Variants in CAMK1D observed in about 807,000 individuals in gnomAD.
CAMK1D encodes the protein calcium/calmodulin dependent protein kinase ID.
In CAMK1D, 9 loss-of-function variants were observed where a neutral mutation model predicts 47.7. The ratio of observed to expected loss-of-function variants is 0.19; its 90% CI spans 0.11 to 0.33. The LOEUF (loss-of-function observed/expected upper bound fraction) is 0.33, where lower values mean the gene tolerates loss of function less well. Among genes scored for constraint, CAMK1D ranks in the 10% least tolerant of loss-of-function variants. The pLI is 1.00. For missense variants in CAMK1D, 291 were observed against 488.7 expected, an observed-to-expected ratio of 0.60 and a Z score of 3.81; for synonymous variants, 184 against 184.9, an observed-to-expected ratio of 0.99 and a Z score of 0.04.
At chr10:12,804,771 CAAA>C (rs569089576) in intron 6 of CAMK1D, among the ~76,000 whole-genome samples, 4 of 126,262 alleles carry the variant, frequency 3.2e-5, no homozygotes, top group African/African-American at 3.0e-5. Context: ...CTGTCTGTAC[CAAA>C]AAAAAAAAAA....
chr10:12,739,317 A>G (rs1835322003), intron 3 of CAMK1D, among the ~76,000 whole-genome samples: 1 of 151,012 alleles, frequency 6.6e-6, no homozygotes. Context: ...TCTGTTGCTC[A>G]GGCTGTGGAG....
intron 1 of CAMK1D, among the ~76,000 whole-genome samples, chr10:12,411,413 C>T (rs1442962924): frequency 1.3e-5 from 2 of 152,078 alleles, no homozygotes; most frequent in Admixed American, 1.3e-4. Flanking sequence ...CCGAGATGGT[C>T]GGCGTTTGGG....
intron 5 of CAMK1D, among the ~76,000 whole-genome samples, chr10:12,780,058 A>G (rs6602617): frequency 0.94 from 143,778 of 152,188 alleles, 68,472 homozygotes; most frequent in East Asian, 1. Context: ...AACGTGTTTC[A>G]TCTTGTTCTT....
chr10:12,766,505 C>A lies in CAMK1D; in HGVS notation c.439-3168C>A, dbSNP rs942061958. Among the ~76,000 whole-genome samples the A allele has an allele frequency of 4.6e-5, 7 of 151,812 alleles. No individual in the cohort carries two copies. The South Asian group carries it at 6.2e-4, about 14-fold the overall frequency. On this transcript the variant is annotated intron_variant, in intron 4 of 10. Transcript: ENST00000619168. ...CCCCCAGGTGGCCCTTTTCTGTTGG[C>A]ACAGCTGCTGGCATTCACCAGTGAA...
intron 1 of CAMK1D, among the ~76,000 whole-genome samples, chr10:12,529,217 G>T (rs189682240): frequency 6.6e-6 from 1 of 152,310 alleles, no homozygotes; most frequent in African/African-American, 2.4e-5. Flanking sequence ...CATCCGTGAT[G>T]TTAAAATCAC....
At chr10:12,771,520 A>G (rs1457650322) in intron 5 of CAMK1D, among the ~76,000 whole-genome samples, 1 of 152,238 alleles carries the variant, frequency 6.6e-6, no homozygotes. Flanking sequence ...GTTCATTTTC[A>G]GAGTAACTCA....
At chr10:12,816,094 G>A (rs1406077657) in intron 7 of CAMK1D, among the ~76,000 whole-genome samples, 156 bp from the exon 8 acceptor site, 2 of 152,098 alleles carry the variant, frequency 1.3e-5, no homozygotes, top group African/African-American at 4.8e-5. Context: ...TTCCCCACAC[G>A]CTGGTGCCTT....
intron 1 of CAMK1D, among the ~76,000 whole-genome samples, chr10:12,372,548 A>G (rs77704056): frequency 0.017 from 2,546 of 152,348 alleles, 63 homozygotes; most frequent in African/African-American, 0.051. Context: ...CACCATGTAG[A>G]GCAGCAGGTG....
At chr10:12,595,425 T>A (rs1439422702) in intron 2 of CAMK1D, among the ~76,000 whole-genome samples, 2 of 148,624 alleles carry the variant, frequency 1.3e-5, no homozygotes, top group African/African-American at 5.0e-5. Context: ...ATTATCAGAA[T>A]GTGGGCAGTC....
chr10:12,565,127 T>A (rs940431019), intron 2 of CAMK1D, among the ~76,000 whole-genome samples: 5 of 152,126 alleles, frequency 3.3e-5, no homozygotes, highest in Admixed American at 2.0e-4. Flanking sequence ...AGGAGGATCC[T>A]TTGGGTCCAG....
At chr10:12,605,369 T>G (rs1025648794) in intron 2 of CAMK1D, among the ~76,000 whole-genome samples, 7 of 150,266 alleles carry the variant, frequency 4.7e-5, no homozygotes, top group Admixed American at 2.0e-4. Flanking sequence ...TGTGTGTGTA[T>G]GTGTGTCAAA....
chr10:12,470,945 G>A (rs1231626646), intron 1 of CAMK1D, among the ~76,000 whole-genome samples: 5 of 152,212 alleles, frequency 3.3e-5, no homozygotes, highest in Admixed American at 3.3e-4. Context: ...TGTGTGCGTG[G>A]TGGGGCTGTG....
intron 6 of CAMK1D, among the ~76,000 whole-genome samples, chr10:12,794,430 G>C (rs553962962): frequency 6.6e-6 from 1 of 152,244 alleles, no homozygotes; most frequent in African/African-American, 2.4e-5. Context: ...GTGTATGCAC[G>C]TGTGGAATTC....
intron 3 of CAMK1D, among the ~76,000 whole-genome samples, chr10:12,718,145 CGTGT>C (rs1554816075): frequency 4.6e-5 from 7 of 152,116 alleles, no homozygotes; most frequent in Non-Finnish European, 4.4e-5. Flanking sequence ...TCGTCAAACC[CGTGT>C]GTCATTTCAG....
chr10:12,539,985 C>T (rs534207067), intron 1 of CAMK1D, among the ~76,000 whole-genome samples: 4 of 152,272 alleles, frequency 2.6e-5, no homozygotes, highest in South Asian at 4.1e-4. Flanking sequence ...GTGATCATAG[C>T]TCATTGTAAC....
intron 2 of CAMK1D, among the ~76,000 whole-genome samples, chr10:12,584,620 G>T (rs1160227270): frequency 6.6e-6 from 1 of 152,032 alleles, no homozygotes; most frequent in Admixed American, 6.6e-5. Flanking sequence ...TGGAGTTTGA[G>T]ACCAGCCTGG....
chr10:12,532,434 T>G (rs893020699), intron 1 of CAMK1D, among the ~76,000 whole-genome samples: 5 of 152,184 alleles, frequency 3.3e-5, no homozygotes, highest in African/African-American at 9.6e-5. Context: ...CGCCCGCCAC[T>G]ACGCCTGGCT....
chr10:12,419,017 T>C (rs1276456918), intron 1 of CAMK1D, among the ~76,000 whole-genome samples: 2 of 152,184 alleles, frequency 1.3e-5, no homozygotes, highest in Non-Finnish European at 2.9e-5. Context: ...CATTGGTGCT[T>C]GACTTTCCCT....
intron 1 of CAMK1D, among the ~76,000 whole-genome samples, chr10:12,364,542 C>T (rs1164047929): frequency 2.0e-5 from 3 of 151,882 alleles, no homozygotes. Context: ...CACGCATGGC[C>T]ATCATTCTCA....
Sources: allele counts gnomAD v4.1 joint callset (sites outside exome capture counted in the v4.1 genomes callset), GRCh38; gene constraint gnomAD v4.1.1; transcripts MANE v1.5; gene names NCBI Gene and HGNC (gene_info 2026-07-23, HGNC 2026-07-21).